Variants in SMARCC2 observed in about 807,000 individuals in gnomAD.
SMARCC2 encodes the protein SWI/SNF related BAF chromatin remodeling complex subunit C2.
Under a neutral mutation model 151.3 loss-of-function variants are expected in SMARCC2, and 15 were observed. That is an observed-to-expected ratio of 0.10 (90% CI 0.07 to 0.15). The LOEUF (loss-of-function observed/expected upper bound fraction) is 0.15, where lower values mean the gene tolerates loss of function less well. Among genes scored for constraint, SMARCC2 ranks in the 10% least tolerant of loss-of-function variants. The pLI is 1.00. For missense variants in SMARCC2, 1,031 were observed against 1,599.7 expected (o/e 0.64, Z 6.06); for synonymous variants, 590 against 609.5 (o/e 0.97, Z 0.47).
intron 7 of SMARCC2, 26 bp from the exon 8 acceptor site, chr12:56,182,105 T>C: frequency 1.3e-6 from 2 of 1,531,382 alleles, no homozygotes; most frequent in Non-Finnish European, 9.0e-7. Flanking sequence ...GAGCACACAG[T>C]AGAATCAATG....
At chr12:56,188,618 G>C (rs777674507) in intron 1 of SMARCC2, among the ~76,000 whole-genome samples, 1 of 152,152 alleles carries the variant, frequency 6.6e-6, no homozygotes, top group African/African-American at 2.4e-5. Flanking sequence ...TGGGTGTGAG[G>C]GGCTAGAGAT....
chr12:56,169,938 A>G (rs1873592414), intron 23 of SMARCC2, 27 bp from the exon 24 acceptor site: 4 of 1,607,420 alleles, frequency 2.5e-6, no homozygotes, highest in Non-Finnish European at 2.6e-6. Context: ...AGAAAAGGAG[A>G]GTTATCAGGG....
rs1349309581 is a variant in SMARCC2, at chr12:56,171,966, G to A, written c.1927-29C>T. On this transcript the variant is annotated intron_variant, in intron 20 of 28. Coordinates refer to ENST00000550164, the MANE Select transcript of SMARCC2 (RefSeq NM_001330288.2). The surrounding 1 kb of genome is among the most constrained non-coding windows in gnomAD (Gnocchi z 4.2). ...GTGGTAGTGGTGGAGACATAACTCC[G>A]CTTACTTAGCCACTTTTCTCGAAGG... The A allele has an allele frequency of 4.5e-6, 7 of 1,562,278 alleles. No homozygotes were observed. Among genetic ancestry groups the A allele is most frequent in the African/African-American group, 1.4e-5 (1 of 73,384 alleles).
rs752629582 is a variant in SMARCC2, at chr12:56,165,338, A to T, written c.3212T>A (p.Val1071Asp). 1.5e-5 allele frequency: 23 copies of T among 1,485,036 alleles called. No individual in the cohort carries two copies. The highest frequency in any genetic ancestry group is 2.0e-5 in the Non-Finnish European group (22 of 1,121,306). The allele number at this position is 1,485,036 out of a possible 1,614,324, so 92.0% of individuals were successfully genotyped here. The change falls in exon 27 of 29, where the codon GTT becomes GAT. Residue 1071 changes from valine (V) to aspartate (D), a missense_variant. Val to Asp is a radical substitution (Grantham distance 152, BLOSUM62 -3). Around this residue, in one of 12 missense-constraint regions of SMARCC2, gnomAD observed 310 missense variants for 350.0 expected, o/e 0.89. Transcript: ENST00000550164. ...APQPGAVPPG[V>D]PPPGPHGPSP... ...CTTACCATGGGGTCCAGGGGGGGGAACCCCTGGTGGGACTGCCCCAGGCTG... is the reference window on the plus strand; with the variant it reads ...CTTACCATGGGGTCCAGGGGGGGGATCCCCTGGTGGGACTGCCCCAGGCTG...
At chr12:56,176,481 C>CT (rs918516709) in intron 15 of SMARCC2, among the ~76,000 whole-genome samples, 26 of 147,980 alleles carry the variant, frequency 1.8e-4, no homozygotes, top group South Asian at 4.3e-4. Context: ...GAGGCAAAAT[C>CT]TTTTTTTTTT....
intron 7 of SMARCC2, among the ~76,000 whole-genome samples, chr12:56,182,720 G>T (rs1377843013): frequency 1.3e-5 from 2 of 149,962 alleles, no homozygotes; most frequent in Non-Finnish European, 3.0e-5. Flanking sequence ...GCTTCCCAAA[G>T]TGCTAGTATT....
At chr12:56,187,458 G>A (rs1877477869) in intron 1 of SMARCC2, 152 bp from the exon 2 acceptor site, 1 of 711,270 alleles carries the variant, frequency 1.4e-6, no homozygotes. Flanking sequence ...AATGGCAAAA[G>A]GGAGGCCCTG....
chr12:56,174,029 T>C (rs1874467648), intron 16 of SMARCC2, among the ~76,000 whole-genome samples, 180 bp from the exon 17 acceptor site: 1 of 152,020 alleles, frequency 6.6e-6, no homozygotes, highest in Admixed American at 6.6e-5. Flanking sequence ...ATCACCTAAA[T>C]GCCAGTGACA....
intron 15 of SMARCC2, among the ~76,000 whole-genome samples, chr12:56,177,604 C>T (rs1386854762): frequency 6.6e-6 from 1 of 152,138 alleles, no homozygotes; most frequent in African/African-American, 2.4e-5. Context: ...AACTGGTCTT[C>T]TATTAGTTCC....
intron 12 of SMARCC2, 22 bp downstream of exon 12, chr12:56,178,975 G>C (rs1305424864): frequency 8.7e-6 from 14 of 1,613,132 alleles, no homozygotes; most frequent in Non-Finnish European, 1.2e-5. Flanking sequence ...TGACTGCCGT[G>C]CCCAAGAGGC....
At chr12:56,169,746 C>T (rs773812380) in intron 24 of SMARCC2, 30 bp downstream of exon 24, 3 of 1,614,032 alleles carry the variant, frequency 1.9e-6, no homozygotes, top group Non-Finnish European at 2.5e-6. Flanking sequence ...CTCTGTCCTG[C>T]ACCCCCACCT....
intron 10 of SMARCC2, 33 bp from the exon 11 acceptor site, chr12:56,181,134 T>C: frequency 6.3e-7 from 1 of 1,598,982 alleles, no homozygotes; most frequent in Non-Finnish European, 8.5e-7. Flanking sequence ...GAGAACCCAG[T>C]CATCCTTGGA....
Position 56,171,055 on chromosome 12 carries a change from C to G in SMARCC2, c.2347+216G>C, listed in dbSNP as rs982919286. Reference sequence around the variant, plus strand: ...CTTCACAAGACTTTTCTAACAGCCCCTTCTACAAGCAAAGATTTTTCTACC... The same window carrying G: ...CTTCACAAGACTTTTCTAACAGCCCGTTCTACAAGCAAAGATTTTTCTACC... On this transcript the variant is annotated intron_variant, in intron 22 of 28. Coordinates refer to ENST00000550164, the MANE Select transcript of SMARCC2 (RefSeq NM_001330288.2). This position sits in a 1 kb window ranked among gnomAD's most constrained non-coding sequence, Gnocchi z 4.2. 1.3e-5 allele frequency among the ~76,000 whole-genome samples: 2 copies of G among 152,158 alleles called. No homozygotes were observed. The highest frequency in any genetic ancestry group is 2.9e-5 in the Non-Finnish European group (2 of 68,028).
intron 16 of SMARCC2, 40 bp from the exon 17 acceptor site, chr12:56,173,889 C>T: frequency 1.3e-6 from 2 of 1,574,672 alleles, no homozygotes; most frequent in South Asian, 2.3e-5. Flanking sequence ...CACGGATAGC[C>T]AGAAAGGTGC....
chr12:56,184,538 A>G, intron 5 of SMARCC2: 2 of 537,660 alleles, frequency 3.7e-6, no homozygotes, highest in East Asian at 3.1e-5. Flanking sequence ...TCATTACTAT[A>G]AAGTTCCAAA....
rs758941831 is a variant in SMARCC2, at chr12:56,184,879, G to C, written c.457C>G (p.Leu153Val). ...TTGATAATGTCCTTTAATTTCCCTA[G>C]TAGTTTGGGCTCAATTTCTGGGCAC... ...FLCPEIEPKLLGKLKDIIKRH... is the reference protein window; with the variant it reads ...FLCPEIEPKLVGKLKDIIKRH... The change falls in exon 5 of 29, where the codon CTA becomes GTA. Residue 153 changes from leucine (L) to valine (V), a missense_variant. Transcript: ENST00000550164. 2 of 1,612,670 alleles carry C rather than the reference G, an allele frequency of 1.2e-6. No homozygotes were observed. The highest frequency in any genetic ancestry group is 1.3e-5 in the African/African-American group (1 of 74,848).
Position 56,173,754 on chromosome 12 carries a change from A to G in SMARCC2, c.1592T>C (p.Phe531Ser), listed in dbSNP as rs1269749026. 6.2e-7 allele frequency: 1 copy of G among 1,614,090 alleles called. No homozygotes were observed. The highest frequency in any genetic ancestry group is 8.5e-7 in the Non-Finnish European group (1 of 1,179,978). The change falls in exon 17 of 29, where the codon TTC becomes TCC. Residue 531 changes from phenylalanine to serine, a missense_variant. Physicochemically the swap from Phe to Ser is radical, Grantham distance 155. This residue lies in a region of SMARCC2 where 99 missense variants were observed against 148.3 expected (regional missense o/e 0.67). Coordinates refer to ENST00000550164, the MANE Select transcript of SMARCC2 (RefSeq NM_001330288.2). ...TGATGGTGTGTCAGCCAAGACATGG[A>G]AGTGAGAGGTAGGCGGAGGCCCCAT... is the stretch of plus-strand genomic sequence containing the variant. Reference protein sequence around the residue: ...TPMGPPPTSHFHVLADTPSGL... With the variant: ...TPMGPPPTSHSHVLADTPSGL...
chr12:56,165,428 G>T lies in SMARCC2; in HGVS notation c.3122C>A (p.Ser1041Tyr). 6.5e-7 allele frequency: 1 copy of T among 1,530,580 alleles called. No individual in the cohort carries two copies. 94.8% of individuals were successfully genotyped at this position (1,530,580 alleles called of 1,614,324 possible). The change falls in exon 27 of 29, where the codon TCT becomes TAT. Residue 1041 changes from serine (S) to tyrosine (Y), a missense_variant. This residue lies in a region of SMARCC2 where 310 missense variants were observed against 350.0 expected (regional missense o/e 0.89). Coordinates refer to ENST00000550164, the MANE Select transcript of SMARCC2 (RefSeq NM_001330288.2). ...SGAPPGSLGP[S>Y]EQIGQAGSTA... ...TGACCCTGCCTGCCCAATCTGTTCAGAAGGGCCCAAACTTCCTGGAGGGGC... is the reference window on the plus strand; with the variant it reads ...TGACCCTGCCTGCCCAATCTGTTCATAAGGGCCCAAACTTCCTGGAGGGGC...
rs1375585266 is a variant in SMARCC2 at position 56,171,438 on chromosome 12, A to G, written c.2186-6T>C. 6 of 1,614,086 alleles carry G rather than the reference A, an allele frequency of 3.7e-6. No homozygotes were observed. The highest frequency in any genetic ancestry group is 2.2e-5 in the East Asian group (1 of 44,890). ...CTTCATTTTGGAGAACTCCTCTGCA[A>G]GACCCAGAAAGAATGAGGCTGGGAG... is the stretch of plus-strand genomic sequence containing the variant. On this transcript the variant is annotated splice_polypyrimidine_tract_variant and splice_region_variant and intron_variant, in intron 21 of 28. Coordinates refer to ENST00000550164, the MANE Select transcript of SMARCC2 (RefSeq NM_001330288.2). The surrounding 1 kb of genome is among the most constrained non-coding windows in gnomAD (Gnocchi z 4.2).
Sources: allele counts gnomAD v4.1 joint callset (sites outside exome capture counted in the v4.1 genomes callset), GRCh38; gene constraint gnomAD v4.1.1; regional missense constraint gnomAD v4.1.1; non-coding constraint Gnocchi (gnomAD v3.1); transcripts MANE v1.5; gene names NCBI Gene and HGNC (gene_info 2026-07-23, HGNC 2026-07-21).